WNK3: variants seen among roughly 807,000 people sequenced by gnomAD.
WNK3 encodes WNK lysine deficient protein kinase 3, also known as serine/threonine-protein kinase WNK3.
A neutral mutation model predicts 116.7 loss-of-function variants in WNK3; 18 were observed. That is an observed-to-expected ratio of 0.15 (90% CI 0.11 to 0.23). WNK3 has a LOEUF of 0.23. WNK3 is among the 10% of genes least tolerant of loss of function. The pLI is 1.00. For missense variants in WNK3, 993 were observed against 1,323.8 expected, an observed-to-expected ratio of 0.75 and a Z score of 3.88; for synonymous variants, 404 against 469.4, an observed-to-expected ratio of 0.86 and a Z score of 1.80.
intron 22 of WNK3, among the ~76,000 whole-genome samples, chrX:54,209,644 G>C (rs939372362): frequency 1.0e-5 from 1 of 96,784 alleles, no homozygotes; most frequent in Non-Finnish European, 2.0e-5. Context: ...TCCGCCTCCT[G>C]GATTTAAGCT....
At chrX:54,279,337 A>G (rs1468985130) in intron 10 of WNK3, among the ~76,000 whole-genome samples, 1 of 111,491 alleles carries the variant, frequency 9.0e-6, no homozygotes, top group African/African-American at 3.3e-5. Context: ...TTTATAATGT[A>G]TGTAGATGTA....
intron 6 of WNK3, among the ~76,000 whole-genome samples, chrX:54,299,849 G>A (rs1388561712): frequency 9.1e-6 from 1 of 110,354 alleles, no homozygotes; most frequent in Non-Finnish European, 1.9e-5. Context: ...TGGTTTATTA[G>A]TTTGCTTGTT....
At chrX:54,244,500 T>C (rs1367680112) in intron 17 of WNK3, among the ~76,000 whole-genome samples, 5 of 111,563 alleles carry the variant, frequency 4.5e-5, no homozygotes, top group African/African-American at 1.6e-4. Context: ...AAGAATGTTT[T>C]CATTTAAAAA....
At position 54,249,973 on chromosome X, in the gene WNK3, T is replaced by C. The variant is rs782487380; in HGVS notation, c.2713+21A>G. The C allele has an allele frequency of 7.6e-6, 9 of 1,191,013 alleles. 1 individual carries two copies. In the South Asian group the frequency reaches 1.7e-4, roughly 23 times the overall value. ...CCCATCCTTTGAGTCTGGACAAAGC[T>C]GGCAGAGAAGAAAAGCTTACTAGGA... is the stretch of plus-strand genomic sequence containing the variant. On this transcript the variant is annotated intron_variant, in intron 16 of 23. Transcript: ENST00000354646.
intron 10 of WNK3, among the ~76,000 whole-genome samples, chrX:54,274,901 C>T (rs782420920): frequency 9.3e-6 from 1 of 107,634 alleles, no homozygotes; most frequent in East Asian, 2.9e-4. Flanking sequence ...GTCCCAGCTA[C>T]TTGTGAGGCT....
chrX:54,309,296 C>A (rs1569538596), exon 4 of WNK3: 5 of 1,209,582 alleles, frequency 4.1e-6, no homozygotes, highest in Non-Finnish European at 5.6e-6. Context: ...GGTTTCATGA[C>A]TTTAAATCGT....
At chrX:54,198,380 C>T (rs782446596) in exon 24 of WNK3, 2 of 1,207,633 alleles carry the variant, frequency 1.7e-6, no homozygotes, top group Non-Finnish European at 2.2e-6. Context: ...GTTGGAAATG[C>T]CTGCATATTC....
intron 10 of WNK3, among the ~76,000 whole-genome samples, chrX:54,287,123 T>TA (rs2068590018): frequency 9.0e-6 from 1 of 110,816 alleles, no homozygotes; most frequent in South Asian, 3.8e-4. Context: ...TCTTCATCAG[T>TA]AAAAAAAGGT....
At chrX:54,353,864 A>G (rs1242502234) in intron 1 of WNK3, among the ~76,000 whole-genome samples, 1 of 110,596 alleles carries the variant, frequency 9.0e-6, no homozygotes, top group Non-Finnish European at 1.9e-5. Context: ...AAGGTGGATC[A>G]CAAGGTCAAG....
intron 22 of WNK3, among the ~76,000 whole-genome samples, chrX:54,211,376 A>G (rs1023784040): frequency 4.8e-5 from 5 of 104,339 alleles, no homozygotes; most frequent in Non-Finnish European, 9.7e-5. Context: ...TGGGAGGCAG[A>G]GGTTGCAGTG....
At chrX:54,222,943 A>T (rs893564211) in intron 22 of WNK3, among the ~76,000 whole-genome samples, 125 of 96,273 alleles carry the variant, frequency 1.3e-3, no homozygotes, top group African/African-American at 4.3e-3. Flanking sequence ...TATATATAAA[A>T]AAAGACACAA....
intron 10 of WNK3, among the ~76,000 whole-genome samples, chrX:54,275,052 C>T (rs1174502851): frequency 2.9e-5 from 3 of 103,531 alleles, no homozygotes; most frequent in African/African-American, 1.1e-4. Flanking sequence ...TAGTGGCTCA[C>T]GTCTGTAATC....
chrX:54,277,868 G>A (rs899406098), intron 10 of WNK3, among the ~76,000 whole-genome samples: 1 of 110,822 alleles, frequency 9.0e-6, no homozygotes, highest in South Asian at 3.8e-4. Flanking sequence ...TGAGGTGGGT[G>A]GACCGCTTGA....
intron 10 of WNK3, among the ~76,000 whole-genome samples, chrX:54,267,179 G>C (rs1191170942): frequency 5.4e-5 from 6 of 111,409 alleles, no homozygotes; most frequent in Non-Finnish European, 1.1e-4. Context: ...TGATAGACTG[G>C]ATAAAGAAAA....
rs182430856 is a variant in WNK3 at position 54,338,879 on chromosome X, A to G, written c.-119-5087T>C. On this transcript the variant is annotated intron_variant, in intron 1 of 23. Coordinates refer to ENST00000354646, the Ensembl canonical transcript of WNK3. ...TAGCCGGGTGTGGTGGTACGTGCCT[A>G]TAATCCCAGCTGCTCGGGAGGCTGA... Among the ~76,000 whole-genome samples the G allele has an allele frequency of 5.2e-3, 559 of 107,703 alleles. 4 individuals are homozygous for G. The highest frequency in any genetic ancestry group is 0.018 in the African/African-American group (534 of 29,550). 93.5% of individuals were successfully genotyped at this position (107,703 alleles called of 115,157 possible).
At chrX:54,326,813 C>A (rs1271152297) in intron 2 of WNK3, among the ~76,000 whole-genome samples, 1 of 111,034 alleles carries the variant, frequency 9.0e-6, no homozygotes, top group African/African-American at 3.3e-5. Flanking sequence ...AGTGAAACCC[C>A]GTCTCTACTA....
chrX:54,358,623 G>C (rs1209338109), upstream of WNK3: 5 of 112,795 alleles, frequency 4.4e-5, no homozygotes, highest in African/African-American at 1.6e-4. Context: ...CAACAGCCAC[G>C]GCATGTCTCC....
At chrX:54,282,724 T>C (rs1444543803) in intron 10 of WNK3, among the ~76,000 whole-genome samples, 2 of 111,668 alleles carry the variant, frequency 1.8e-5, no homozygotes, top group African/African-American at 6.5e-5. Context: ...AATGGGTGAA[T>C]AGTCTTTTGA....
chrX:54,337,675 G>A (rs187301129), intron 1 of WNK3, among the ~76,000 whole-genome samples: 1,187 of 110,094 alleles, frequency 0.011, 14 homozygotes, highest in African/African-American at 0.038. Context: ...AGAATAGCTT[G>A]AACCCAGGAG....
Sources: allele counts gnomAD v4.1 joint callset (sites outside exome capture counted in the v4.1 genomes callset), GRCh38; gene constraint gnomAD v4.1.1; transcripts MANE v1.5; gene names NCBI Gene and HGNC (gene_info 2026-07-23, HGNC 2026-07-21).